The following NEDD4 variants were observed in gnomAD, a reference collection of about 807,000 sequenced individuals.
NEDD4 encodes E3 ubiquitin-protein ligase NEDD4.
In NEDD4, 99 loss-of-function variants were observed where a neutral mutation model predicts 144.9. The ratio of observed to expected loss-of-function variants is 0.68; its 90% CI spans 0.58 to 0.81. The LOEUF (loss-of-function observed/expected upper bound fraction) is 0.81. Among genes scored for constraint, NEDD4 ranks in the 30% least tolerant of loss-of-function variants. NEDD4 has a pLI of 0.00. For synonymous variants in NEDD4, 318 were observed against 350.6 expected (o/e 0.91, Z 1.04); for missense variants, 985 against 1,065.9 (o/e 0.92, Z 1.06).
At chr15:55,966,323 G>A (rs1013349590) in intron 2 of NEDD4, 150 bp downstream of exon 2, 5 of 546,018 alleles carry the variant, frequency 9.2e-6, no homozygotes, top group East Asian at 6.9e-5. Flanking sequence ...GATACCAAGA[G>A]ATTTAGTAAA....
intron 5 of NEDD4, among the ~76,000 whole-genome samples, chr15:55,894,449 T>G (rs761230140): frequency 6.6e-6 from 1 of 152,120 alleles, no homozygotes; most frequent in Non-Finnish European, 1.5e-5. Flanking sequence ...CCTGGAACCA[T>G]TCCCCCTGCA....
intron 5 of NEDD4, among the ~76,000 whole-genome samples, chr15:55,923,659 A>AAT (rs1555404567): frequency 0.01 from 1,367 of 135,216 alleles, 26 homozygotes; most frequent in African/African-American, 0.027. Flanking sequence ...AAAAAAAAAA[A>AAT]ATATATATAT....
chr15:55,988,635 A>G (rs2037937496), intron 1 of NEDD4, among the ~76,000 whole-genome samples: 1 of 152,154 alleles, frequency 6.6e-6, no homozygotes, highest in African/African-American at 2.4e-5. Flanking sequence ...CATTTATCAA[A>G]ATTTGGATGG....
At chr15:55,882,980 T>C (rs775386921) in intron 5 of NEDD4, among the ~76,000 whole-genome samples, 4 of 152,106 alleles carry the variant, frequency 2.6e-5, no homozygotes, top group Non-Finnish European at 5.9e-5. Context: ...CTGTGTTGGC[T>C]ATAGAGACTC....
intron 4 of NEDD4, among the ~76,000 whole-genome samples, chr15:55,930,981 A>G (rs1009998910): frequency 2.0e-5 from 3 of 152,224 alleles, no homozygotes; most frequent in Non-Finnish European, 2.9e-5. Flanking sequence ...AAGGCCAAAC[A>G]CAATGGATTT....
At chr15:55,931,188 T>C (rs1280806496) in intron 4 of NEDD4, among the ~76,000 whole-genome samples, 2 of 152,230 alleles carry the variant, frequency 1.3e-5, no homozygotes, top group African/African-American at 2.4e-5. Context: ...AAGAATCCTA[T>C]GAACAGCCAA....
At chr15:55,917,275 T>C (rs2036479164) in intron 5 of NEDD4, 1 of 575,302 alleles carries the variant, frequency 1.7e-6, no homozygotes, top group African/African-American at 2.0e-5. Flanking sequence ...AACATTTAAC[T>C]ATGTGAATCA....
At chr15:55,856,321 T>A in intron 11 of NEDD4, 125 bp from the exon 12 acceptor site, 1 of 790,754 alleles carries the variant, frequency 1.3e-6, no homozygotes, top group Non-Finnish European at 2.0e-6. Flanking sequence ...GATGCAAATG[T>A]TGAGAGTGCA....
At chr15:55,840,927 C>G (rs918559513) in intron 19 of NEDD4, among the ~76,000 whole-genome samples, 200 bp from the exon 20 acceptor site, 2 of 152,136 alleles carry the variant, frequency 1.3e-5, no homozygotes, top group African/African-American at 2.4e-5. Flanking sequence ...AATGTATAAA[C>G]AAAGTTTTGT....
chr15:55,954,832 C>T (rs1323502534), intron 2 of NEDD4, among the ~76,000 whole-genome samples: 3 of 151,948 alleles, frequency 2.0e-5, no homozygotes, highest in Non-Finnish European at 4.4e-5. Flanking sequence ...CCGAGTTTTG[C>T]CATTTTTAAT....
At position 55,915,998 on chromosome 15, in the gene NEDD4, C is replaced by T. The variant is rs764467343; in HGVS notation, c.291+8648G>A. On this transcript the variant is annotated intron_variant, in intron 5 of 28. Coordinates refer to ENST00000435532, the MANE Select transcript of NEDD4 (RefSeq NM_006154.4). Reference sequence around the variant, plus strand: ...GAGTACACAGACTTGTTGGAGAAGTCGGTCGGGTAGTTGAAGGACTCCTAG... The same window carrying T: ...GAGTACACAGACTTGTTGGAGAAGTTGGTCGGGTAGTTGAAGGACTCCTAG... 5 of 1,613,504 alleles carry T rather than the reference C, an allele frequency of 3.1e-6. No individual in the cohort carries two copies. The South Asian group carries it at 4.4e-5, about 14-fold the overall frequency.
intron 1 of NEDD4, among the ~76,000 whole-genome samples, chr15:55,976,893 G>A (rs1346514008): frequency 1.3e-5 from 2 of 151,920 alleles, no homozygotes; most frequent in African/African-American, 2.4e-5. Flanking sequence ...TTGGCCTCCC[G>A]AAGTGCTGGG....
rs145779563 is a variant in NEDD4, at chr15:55,916,413, A to T, written c.291+8233T>A. ...ACTACAAATGGCTGGACTGCTTACA[A>T]GGTGACCATCATTCACAGCATTCAA... On this transcript the variant is annotated intron_variant, in intron 5 of 28. Transcript: ENST00000435532. 63 of 1,614,080 alleles carry T rather than the reference A, an allele frequency of 3.9e-5. No individual in the cohort carries two copies. The East Asian group carries it at 1.4e-3, about 35-fold the overall frequency.
At chr15:55,961,491 G>T (rs2037426076) in intron 2 of NEDD4, among the ~76,000 whole-genome samples, 1 of 126,254 alleles carries the variant, frequency 7.9e-6, no homozygotes, top group Admixed American at 8.0e-5. Flanking sequence ...TATTATTTGA[G>T]ACGCAGTCTC....
rs140550996 is a variant in NEDD4, at chr15:55,941,616, G to A, written c.237+9760C>T. Among the ~76,000 whole-genome samples the A allele has an allele frequency of 7.8e-3, 1,178 of 151,030 alleles. 16 individuals are homozygous for A. Among genetic ancestry groups the A allele is most frequent in the African/African-American group, 0.027 (1,124 of 41,030 alleles). ...GTCTCACTCTGTCACCCAGGCTGGA[G>A]TCCAGCAGCACAATTTCAGCTCACT... On this transcript the variant is annotated intron_variant, in intron 4 of 28. Transcript: ENST00000435532.
intron 4 of NEDD4, among the ~76,000 whole-genome samples, chr15:55,947,205 C>A (rs2142290668): frequency 6.6e-6 from 1 of 152,182 alleles, no homozygotes; most frequent in South Asian, 2.1e-4. Flanking sequence ...TTCAAAAAAT[C>A]AATGAATCCA....
At chr15:55,883,415 C>A (rs1041440091) in intron 5 of NEDD4, among the ~76,000 whole-genome samples, 1 of 152,148 alleles carries the variant, frequency 6.6e-6, no homozygotes, top group African/African-American at 2.4e-5. Context: ...CAGGCCCTGA[C>A]TTCTAGACGG....
At chr15:55,860,995 A>G (rs1329818894) in intron 9 of NEDD4, among the ~76,000 whole-genome samples, 1 of 152,234 alleles carries the variant, frequency 6.6e-6, no homozygotes, top group Non-Finnish European at 1.5e-5. Flanking sequence ...GTGAAAAGGT[A>G]TAACATGTCT....
intron 4 of NEDD4, among the ~76,000 whole-genome samples, chr15:55,948,258 C>G (rs2037163054): frequency 6.6e-6 from 1 of 152,122 alleles, no homozygotes; most frequent in South Asian, 2.1e-4. Context: ...TGTGAAGGAC[C>G]TCTTCAAGGA....
Sources: allele counts gnomAD v4.1 joint callset (sites outside exome capture counted in the v4.1 genomes callset), GRCh38; gene constraint gnomAD v4.1.1; transcripts MANE v1.5; gene names NCBI Gene and HGNC (gene_info 2026-07-23, HGNC 2026-07-21).